The following RBM41 variants were observed in gnomAD, a reference collection of about 807,000 sequenced individuals.
RBM41 encodes the protein RNA binding motif protein 41, also known as RNA-binding protein 41.
RBM41 carries 14 observed loss-of-function variants against 30.8 expected under a neutral mutation model. That is an observed-to-expected ratio of 0.45 (90% CI 0.30 to 0.71). The LOEUF (loss-of-function observed/expected upper bound fraction) is 0.71, where lower values mean the gene tolerates loss of function less well. RBM41 is among the 30% of genes least tolerant of loss of function. The probability of loss-of-function intolerance (pLI) is 0.08; values close to 1 mark genes in which losing one functional copy is unlikely to be tolerated. For synonymous variants in RBM41, 120 were observed against 110.1 expected (o/e 1.09, Z -0.56); for missense variants, 276 against 326.3 (o/e 0.85, Z 1.19).
At position 107,063,880 on chromosome X, in the gene RBM41, T is replaced by C. The variant is rs1935736256; in HGVS notation, c.*3647A>G. On this transcript the variant is annotated 3_prime_UTR_variant, in exon 8 of 8. Coordinates refer to ENST00000685964, the MANE Select transcript of RBM41 (RefSeq NM_001324242.2). ...TATATTTCCTTCTTTCTCCTGGCTC[T>C]AGGTTTAGTTTGCTCTTCTTTTTCC... Among the ~76,000 whole-genome samples the C allele has an allele frequency of 9.1e-6, 1 of 110,440 alleles. No homozygotes were observed. Among genetic ancestry groups the C allele is most frequent in the Admixed American group, 9.7e-5 (1 of 10,332 alleles).
chrX:107,096,636 T>A (rs1183183584), intron 5 of RBM41, among the ~76,000 whole-genome samples: 1 of 111,599 alleles, frequency 9.0e-6, no homozygotes, highest in Non-Finnish European at 1.9e-5. Context: ...TCTAAGACTA[T>A]AAGTACTCCA....
At chrX:107,086,151 C>T (rs1480159348) in intron 6 of RBM41, among the ~76,000 whole-genome samples, 12 of 111,581 alleles carry the variant, frequency 1.1e-4, no homozygotes, top group Middle Eastern at 4.6e-3. Context: ...ACTTTTCAAG[C>T]TGATTAGGCT....
intron 5 of RBM41, among the ~76,000 whole-genome samples, chrX:107,104,275 C>A (rs1433739257): frequency 3.6e-5 from 4 of 110,929 alleles, no homozygotes. Flanking sequence ...TGAAGTATTT[C>A]GGGGGAAGGA....
At chrX:107,116,367 C>T (rs750346408) in intron 2 of RBM41, 33 of 657,116 alleles carry the variant, frequency 5.0e-5, no homozygotes, top group Non-Finnish European at 6.3e-5. Context: ...AACAGTGGAA[C>T]AGAGGCAAGT....
chrX:107,088,478 T>C lies in RBM41; in HGVS notation c.957A>G (p.Lys319=). The change falls in exon 6 of 8, where the codon AAA becomes AAG. Residue 319 remains lysine (K), a synonymous_variant. Coordinates refer to ENST00000685964, the MANE Select transcript of RBM41 (RefSeq NM_001324242.2). ...GATTATATGAAGAAAACATAGGAAT[T>C]TTTCGGATCTCTTCCTCTGACAAAC... ...RNRLSEEEIR[K]IPMFSSYNPG... is the part of the protein sequence containing the mutation. The C allele has an allele frequency of 8.3e-7, 1 of 1,211,462 alleles. No individual in the cohort carries two copies. The highest frequency in any genetic ancestry group is 1.1e-6 in the Non-Finnish European group (1 of 895,286).
chrX:107,088,085 A>C (rs1169561462), intron 6 of RBM41, among the ~76,000 whole-genome samples: 3 of 112,175 alleles, frequency 2.7e-5, no homozygotes, highest in African/African-American at 9.7e-5. Flanking sequence ...CACCAAGGCT[A>C]CCAGCTATGG....
intron 4 of RBM41, chrX:107,114,564 G>C (rs1924746857): frequency 9.0e-6 from 1 of 111,427 alleles, no homozygotes; most frequent in African/African-American, 3.3e-5. Context: ...AGAATAGGTA[G>C]TATTAAAAGA....
At chrX:107,102,864 C>T (rs1923583802) in intron 5 of RBM41, among the ~76,000 whole-genome samples, 1 of 111,339 alleles carries the variant, frequency 9.0e-6, no homozygotes, top group Admixed American at 9.6e-5. Context: ...CCTTTATTCC[C>T]TCATTTTTGC....
At chrX:107,092,606 ATATACAAAAG>A (rs1922643919) in intron 5 of RBM41, among the ~76,000 whole-genome samples, 1 of 111,293 alleles carries the variant, frequency 9.0e-6, no homozygotes, top group Non-Finnish European at 1.9e-5. Context: ...TAAAATAAAT[ATATACAAAAG>A]TGCTCAGCCA....
chrX:107,054,531 T>C, the RBM41 span, among the ~76,000 whole-genome samples: 1 of 111,907 alleles, frequency 8.9e-6, no homozygotes, highest in African/African-American at 3.2e-5. Context: ...TCTTACTAAA[T>C]GGTATTGGCT....
downstream of RBM41, among the ~76,000 whole-genome samples, chrX:107,060,452 T>G (rs766895786): frequency 6.5e-4 from 72 of 110,176 alleles, no homozygotes; most frequent in African/African-American, 2.1e-3. Flanking sequence ...ACCCTGTACC[T>G]CCGCCATAAA....
intron 6 of RBM41, among the ~76,000 whole-genome samples, chrX:107,084,534 G>A (rs1295000069): frequency 9.1e-6 from 1 of 109,974 alleles, no homozygotes; most frequent in Admixed American, 9.6e-5. Context: ...TTTTTTCTTC[G>A]GTCTTTACCT....
At chrX:107,058,778 C>A (rs1602530394), downstream of RBM41, among the ~76,000 whole-genome samples, 1 of 111,611 alleles carries the variant, frequency 9.0e-6, no homozygotes, top group African/African-American at 3.3e-5. Flanking sequence ...AATTTGGAGG[C>A]TGTACATCTG....
intron 6 of RBM41, 90 bp downstream of exon 6, chrX:107,088,346 A>G (rs1922220898): frequency 2.2e-6 from 2 of 897,962 alleles, no homozygotes; most frequent in African/African-American, 2.0e-5. Context: ...ATTCTTTGGT[A>G]TAATCAAAGC....
At chrX:107,058,249 C>T (rs1168954478), downstream of RBM41, among the ~76,000 whole-genome samples, 5 of 98,256 alleles carry the variant, frequency 5.1e-5, no homozygotes, top group East Asian at 3.2e-4. Context: ...GCAGAGATTG[C>T]GCCATTGCAC....
chrX:107,095,594 T>TAA (rs763118713), intron 5 of RBM41, among the ~76,000 whole-genome samples: 1 of 94,229 alleles, frequency 1.1e-5, no homozygotes. Flanking sequence ...AGACTCCATC[T>TAA]AAAAAAAAAA....
chrX:107,055,347 C>T, the RBM41 span, among the ~76,000 whole-genome samples: 1,022 of 111,256 alleles, frequency 9.2e-3, 9 homozygotes, highest in African/African-American at 0.032. Flanking sequence ...TTTTTTGAGA[C>T]GGAGTCTTGC....
intron 4 of RBM41, chrX:107,114,704 T>A: frequency 8.9e-6 from 1 of 111,754 alleles, no homozygotes; most frequent in Middle Eastern, 4.6e-3. Context: ...TACATGTTTA[T>A]CTCTCCAACC....
At chrX:107,099,119 A>G (rs780207300) in intron 5 of RBM41, among the ~76,000 whole-genome samples, 12 of 112,354 alleles carry the variant, frequency 1.1e-4, no homozygotes, top group Non-Finnish European at 2.3e-4. Context: ...AAAGGCAGTG[A>G]AATGATAAAC....
Sources: allele counts gnomAD v4.1 joint callset (sites outside exome capture counted in the v4.1 genomes callset), GRCh38; gene constraint gnomAD v4.1.1; transcripts MANE v1.5; gene names NCBI Gene and HGNC (gene_info 2026-07-23, HGNC 2026-07-21).